Variants in NALCN observed in about 807,000 individuals in gnomAD.
NALCN encodes the protein sodium leak channel, non-selective.
Under a neutral mutation model 225.3 loss-of-function variants are expected in NALCN, and 111 were observed. That is an observed-to-expected ratio of 0.49 (90% CI 0.42 to 0.58). NALCN has a LOEUF of 0.58. Ranked by LOEUF, NALCN falls within the 20% of genes least tolerant of loss-of-function variation. The pLI, the probability that NALCN is intolerant of heterozygous loss-of-function variation, is 0.00. For synonymous variants in NALCN, 764 were observed against 769.0 expected (o/e 0.99, Z 0.11); for missense variants, 1,378 against 2,202.4 (o/e 0.63, Z 7.49).
At chr13:101,160,347 C>T (rs763377871) in intron 15 of NALCN, among the ~76,000 whole-genome samples, 5 of 152,044 alleles carry the variant, frequency 3.3e-5, no homozygotes, top group Non-Finnish European at 7.4e-5. Flanking sequence ...CTTTTATCTG[C>T]GCTTATCATA....
At chr13:101,170,437 G>A (rs1373017792) in intron 15 of NALCN, among the ~76,000 whole-genome samples, 2 of 152,124 alleles carry the variant, frequency 1.3e-5, no homozygotes, top group Non-Finnish European at 2.9e-5. Flanking sequence ...CAATTCAAAT[G>A]CAAATCTTTC....
chr13:101,332,247 C>T (rs2045203280), intron 7 of NALCN, among the ~76,000 whole-genome samples: 1 of 151,824 alleles, frequency 6.6e-6, no homozygotes, highest in Admixed American at 6.6e-5. Flanking sequence ...GCATGAGTCT[C>T]ATATGCAGAG....
intron 6 of NALCN, 135 bp downstream of exon 6, chr13:101,376,565 G>A (rs1167400976): frequency 8.0e-6 from 6 of 751,068 alleles, no homozygotes; most frequent in African/African-American, 1.9e-5. Context: ...AAACAATACC[G>A]AGGAAGCAGA....
intron 12 of NALCN, among the ~76,000 whole-genome samples, chr13:101,235,343 A>G (rs2041514849): frequency 6.6e-6 from 1 of 152,220 alleles, no homozygotes; most frequent in Non-Finnish European, 1.5e-5. Flanking sequence ...TAGCAATTTT[A>G]AGGCCCTGAA....
chr13:101,370,738 C>T (rs559526277), intron 6 of NALCN, among the ~76,000 whole-genome samples: 6 of 152,314 alleles, frequency 3.9e-5, no homozygotes, highest in African/African-American at 1.4e-4. Flanking sequence ...CTACTTCACA[C>T]TGAGACATTT....
At chr13:101,198,796 T>C (rs898292408) in intron 13 of NALCN, among the ~76,000 whole-genome samples, 9 of 152,224 alleles carry the variant, frequency 5.9e-5, no homozygotes, top group Non-Finnish European at 1.3e-4. Flanking sequence ...ACTGGGTATA[T>C]ACTCACAGGA....
intron 18 of NALCN, among the ~76,000 whole-genome samples, chr13:101,115,860 C>A (rs1191860645): frequency 1.3e-5 from 2 of 152,110 alleles, no homozygotes; most frequent in Admixed American, 6.6e-5. Flanking sequence ...TACTAGAAGG[C>A]CAGTTTCTTA....
At chr13:101,230,122 T>C (rs1044975209) in intron 12 of NALCN, among the ~76,000 whole-genome samples, 3 of 152,218 alleles carry the variant, frequency 2.0e-5, no homozygotes, top group African/African-American at 7.2e-5. Flanking sequence ...ACAATTTTTG[T>C]GTTTAGACTT....
intron 15 of NALCN, among the ~76,000 whole-genome samples, chr13:101,166,266 G>A (rs1177738792): frequency 6.6e-6 from 1 of 152,192 alleles, no homozygotes; most frequent in Non-Finnish European, 1.5e-5. Context: ...TACATATCCA[G>A]AAGTATATTT....
chr13:101,201,655 T>C, intron 13 of NALCN, among the ~76,000 whole-genome samples: 1 of 151,128 alleles, frequency 6.6e-6, no homozygotes, highest in Non-Finnish European at 1.5e-5. Flanking sequence ...TACTTCTGAC[T>C]TTTTTTTTAC....
intron 22 of NALCN, among the ~76,000 whole-genome samples, chr13:101,106,322 G>C (rs34506182): frequency 1.3e-4 from 19 of 151,974 alleles, no homozygotes; most frequent in Non-Finnish European, 2.4e-4. Flanking sequence ...GGACTCTACC[G>C]TATGGATTTT....
At chr13:101,183,354 T>C (rs1021018413) in intron 14 of NALCN, among the ~76,000 whole-genome samples, 5 of 152,258 alleles carry the variant, frequency 3.3e-5, no homozygotes, top group African/African-American at 1.2e-4. Flanking sequence ...TCATCATATG[T>C]ATAAAACACT....
intron 20 of NALCN, among the ~76,000 whole-genome samples, chr13:101,108,604 G>A (rs552182142): frequency 1.4e-4 from 21 of 152,252 alleles, no homozygotes; most frequent in Non-Finnish European, 2.4e-4. Context: ...GGCTGTGGTA[G>A]GACTACAGAA....
At chr13:101,080,598 A>C (rs919369362) in intron 34 of NALCN, among the ~76,000 whole-genome samples, 2 of 130,462 alleles carry the variant, frequency 1.5e-5, no homozygotes, top group Non-Finnish European at 3.4e-5. Flanking sequence ...AATAATTATT[A>C]AATTAATTAT....
chr13:101,217,646 A>G (rs2140098332), intron 13 of NALCN, among the ~76,000 whole-genome samples: 1 of 152,260 alleles, frequency 6.6e-6, no homozygotes, highest in Non-Finnish European at 1.5e-5. Context: ...AGGTGTAAGG[A>G]ATGCACATGC....
chr13:101,367,384 C>CT (rs900354326), intron 6 of NALCN, among the ~76,000 whole-genome samples: 1 of 151,602 alleles, frequency 6.6e-6, no homozygotes, highest in Non-Finnish European at 1.5e-5. Flanking sequence ...CATTTTCTCT[C>CT]TTTTTTGACA....
intron 17 of NALCN, among the ~76,000 whole-genome samples, chr13:101,132,765 T>C (rs1262106493): frequency 1.3e-5 from 2 of 152,164 alleles, no homozygotes; most frequent in Non-Finnish European, 2.9e-5. Context: ...ATTATGTCTA[T>C]GTAAAATGTC....
At chr13:101,200,711 T>TC (rs1434773219) in intron 13 of NALCN, among the ~76,000 whole-genome samples, 1 of 152,100 alleles carries the variant, frequency 6.6e-6, no homozygotes, top group Non-Finnish European at 1.5e-5. Flanking sequence ...CTTTTCTCTC[T>TC]CAAGCCCCAA....
chr13:101,148,077 T>C (rs995237654), intron 15 of NALCN, among the ~76,000 whole-genome samples: 11 of 152,108 alleles, frequency 7.2e-5, no homozygotes, highest in Non-Finnish European at 4.4e-5. Flanking sequence ...CAGTTGAACA[T>C]CTGCAATTTC....
Sources: gnomAD v4.1 joint callset for allele counts (sites outside exome capture counted in the v4.1 genomes callset) on GRCh38, gnomAD v4.1.1 for gene constraint, MANE v1.5 for transcripts, NCBI Gene and HGNC (gene_info 2026-07-23, HGNC 2026-07-21) for gene names.